VRTN: variants seen among roughly 807,000 people sequenced by gnomAD.
VRTN encodes vertebrae development associated, also known as vertnin.
Under a neutral mutation model 18.2 loss-of-function variants are expected in VRTN, and 5 were observed. That is an observed-to-expected ratio of 0.27 (90% CI 0.14 to 0.58). The LOEUF (loss-of-function observed/expected upper bound fraction) is 0.58, where lower values mean the gene tolerates loss of function less well. Ranked by LOEUF, VRTN falls within the 20% of genes least tolerant of loss-of-function variation. VRTN has a pLI of 0.91. For missense variants in VRTN, 741 were observed against 939.4 expected (o/e 0.79, Z 2.76); for synonymous variants, 381 against 393.7 (o/e 0.97, Z 0.38).
chr14:74,336,490 T>C (rs182609890), intron 1 of VRTN, among the ~76,000 whole-genome samples: 2 of 152,270 alleles, frequency 1.3e-5, no homozygotes, highest in East Asian at 3.9e-4. Flanking sequence ...CAGACACTTC[T>C]TTCTACTCCC....
At chr14:74,351,667 A>G (rs1048740530) in intron 1 of VRTN, among the ~76,000 whole-genome samples, 8 of 147,780 alleles carry the variant, frequency 5.4e-5, no homozygotes, top group Admixed American at 3.4e-4. Context: ...TTCCGTAGAG[A>G]TGGGGTTATG....
intron 1 of VRTN, among the ~76,000 whole-genome samples, chr14:74,320,561 CTCTTTTTTTTTTTTTTTTTTTTT>C (rs2085448972): frequency 1.1e-5 from 1 of 91,522 alleles, no homozygotes; most frequent in African/African-American, 4.5e-5. Context: ...TGCGCCCGGC[CTCTTTTTTTTTTTTTTTTTTTTT>C]TTTTTTTTTT....
At chr14:74,342,930 A>C (rs2085617795) in intron 2 of VRTN, among the ~76,000 whole-genome samples, 1 of 152,106 alleles carries the variant, frequency 6.6e-6, no homozygotes, top group South Asian at 2.1e-4. Flanking sequence ...AGGCTCTTAC[A>C]TATATGAAAA....
intron 1 of VRTN, among the ~76,000 whole-genome samples, chr14:74,331,726 T>TTA (rs2085527010): frequency 7.4e-6 from 1 of 135,106 alleles, no homozygotes; most frequent in South Asian, 2.3e-4. Flanking sequence ...TGTGCACACT[T>TTA]TACGTTGTGT....
intron 1 of VRTN, among the ~76,000 whole-genome samples, chr14:74,308,618 G>A (rs1026692061): frequency 3.3e-5 from 5 of 151,954 alleles, no homozygotes; most frequent in Non-Finnish European, 4.4e-5. Flanking sequence ...GGGTTCAAGC[G>A]ATTTTCCTGC....
chr14:74,357,567 G>A lies in VRTN; in HGVS notation c.784G>A (p.Ala262Thr). Reference protein sequence around the residue: ...PGVAPALPALAPLSSPAKTLE... With the variant: ...PGVAPALPALTPLSSPAKTLE... ...CGTGGCCCCAGCTCTTCCAGCCCTG[G>A]CCCCACTCTCATCGCCGGCCAAGAC... Residue 262 changes from alanine (A) to threonine (T), a missense_variant, in exon 2 of 2, where the codon GCC becomes ACC. By Grantham distance (58) the Ala-to-Thr change is moderately conservative. Transcript: ENST00000256362. This position sits in a 1 kb window ranked among gnomAD's most constrained non-coding sequence, Gnocchi z 7.8. 6.2e-7 allele frequency: 1 copy of A among 1,613,876 alleles called. No individual in the cohort carries two copies. The highest frequency in any genetic ancestry group is 8.5e-7 in the Non-Finnish European group (1 of 1,180,004).
chr14:74,355,873 C>T (rs1218447229), intron 1 of VRTN, among the ~76,000 whole-genome samples: 1 of 151,704 alleles, frequency 6.6e-6, no homozygotes, highest in Admixed American at 6.6e-5. Context: ...TTCCTGTCAC[C>T]CTGGCTGGAG....
chr14:74,331,219 T>TAAACAAAC lies in VRTN; in HGVS notation c.-163-6495_-163-6488dup, dbSNP rs36042325. ...TCCGTCTCAAAAATAAATAAATAAA[T>TAAACAAAC]AAACAAACAAACAAACCACAAGTCT... On this transcript the variant is annotated intron_variant, in intron 1 of 2. Transcript: ENST00000557177. 2.2e-3 allele frequency among the ~76,000 whole-genome samples: 323 copies of TAAACAAAC among 144,168 alleles called. 2 individuals carry two copies. Among genetic ancestry groups the TAAACAAAC allele is most frequent in the African/African-American group, 7.4e-3 (292 of 39,504 alleles). 94.6% of individuals were successfully genotyped at this position (144,168 alleles called of 152,430 possible).
intron 1 of VRTN, among the ~76,000 whole-genome samples, chr14:74,350,431 A>T (rs1256157895): frequency 2.0e-5 from 3 of 152,092 alleles, no homozygotes; most frequent in Admixed American, 1.3e-4. Flanking sequence ...TGCAAGAGGA[A>T]GTGTGGCATA....
intron 1 of VRTN, among the ~76,000 whole-genome samples, chr14:74,313,416 T>C (rs1184213119): frequency 6.6e-6 from 1 of 151,886 alleles, no homozygotes; most frequent in East Asian, 1.9e-4. Flanking sequence ...TTAAAAAAAA[T>C]GAAAGTTTGT....
Position 74,307,117 on chromosome 14 carries a change from C to G in VRTN, c.-164+3941C>G, listed in dbSNP as rs186973076. On this transcript the variant is annotated intron_variant, in intron 1 of 2. Coordinates refer to the VRTN transcript ENST00000557177. ...TTAGTATACAATAAATCAAGTAATA[C>G]ATTCTTAACTGTTGTGGCCCTTTTT... 6.4e-3 allele frequency among the ~76,000 whole-genome samples: 909 copies of G among 142,770 alleles called. 9 individuals are homozygous for G. The highest frequency in any genetic ancestry group is 0.019 in the African/African-American group (760 of 39,140). The allele number at this position is 142,770 out of a possible 152,430, so 93.7% of individuals were successfully genotyped here.
At chr14:74,350,756 G>C (rs1047969945) in intron 1 of VRTN, among the ~76,000 whole-genome samples, 1 of 152,170 alleles carries the variant, frequency 6.6e-6, no homozygotes, top group African/African-American at 2.4e-5. Flanking sequence ...TGTAGATAGC[G>C]TAGGTGTGAT....
At position 74,358,265 on chromosome 14, in the gene VRTN, C is replaced by T. The variant is rs761783593; in HGVS notation, c.1482C>T (p.Pro494=). 15 of 1,610,504 alleles carry T rather than the reference C, an allele frequency of 9.3e-6. No homozygotes were observed. The highest frequency in any genetic ancestry group is 4.5e-5 in the East Asian group (2 of 44,786). The part of the protein sequence containing the change: ...GNATGEDPPA[P]GELLPLRMPL... ...CCACAGGTGAGGACCCTCCCGCCCC[C>T]GGGGAGCTCCTGCCACTAAGGATGC... Residue 494 remains proline (P), a synonymous_variant, in exon 2 of 2, where the codon CCC becomes CCT. Transcript: ENST00000256362. This position sits in a 1 kb window ranked among gnomAD's most constrained non-coding sequence, Gnocchi z 5.4.
rs756923736 is a variant in VRTN, at chr14:74,358,664, A to G, written c.1881A>G (p.Gln627=). Residue 627 remains glutamine, a synonymous_variant, in exon 2 of 2, where the codon CAA becomes CAG. Coordinates refer to ENST00000256362, the MANE Select transcript of VRTN (RefSeq NM_018228.3). The surrounding 1 kb of genome is among the most constrained non-coding windows in gnomAD (Gnocchi z 5.4). ...GQPHSGPLLS[Q]PVVAAAGGRD... ...CCCACAGTGGGCCCTTGCTGAGCCA[A>G]CCTGTGGTGGCAGCAGCGGGTGGCA... The G allele has an allele frequency of 3.1e-6, 5 of 1,612,548 alleles. No individual in the cohort carries two copies. Among genetic ancestry groups the G allele is most frequent in the Non-Finnish European group, 4.2e-6 (5 of 1,179,252 alleles).
chr14:74,356,741 A>C, intron 1 of VRTN, 42 bp from the exon 2 acceptor site: 1 of 1,532,322 alleles, frequency 6.5e-7, no homozygotes, highest in East Asian at 2.3e-5. Flanking sequence ...TCATCTGGGC[A>C]CTTCGACCTG....
chr14:74,359,121 T>C lies in VRTN; in HGVS notation c.*229T>C. On this transcript the variant is annotated 3_prime_UTR_variant, in exon 2 of 2. Transcript: ENST00000256362. ...GTGGGACCAGAGATATCCTCTTTCG[T>C]TGTTTGCTGGTCATATTTTTACTGT... The C allele has an allele frequency of 1.2e-6, 1 of 801,836 alleles. No homozygotes were observed. Among genetic ancestry groups the C allele is most frequent in the Non-Finnish European group, 1.8e-6 (1 of 570,036 alleles). The allele number at this position is 801,836 out of a possible 1,614,324, so 49.7% of individuals were successfully genotyped here. A position where few individuals can be genotyped will look rare whatever the true frequency, so the allele number is the denominator to read the frequency against.
chr14:74,304,415 C>T (rs1595156544), intron 1 of VRTN, among the ~76,000 whole-genome samples: 1 of 152,170 alleles, frequency 6.6e-6, no homozygotes, highest in African/African-American at 2.4e-5. Flanking sequence ...CTTGGCCTCT[C>T]AAAATGCTGG....
chr14:74,320,472 C>T (rs144849902), intron 1 of VRTN, among the ~76,000 whole-genome samples: 2,896 of 148,118 alleles, frequency 0.02, 82 homozygotes, highest in Admixed American at 0.088. Flanking sequence ...CCATGTTAGC[C>T]AGGATGGTCT....
At chr14:74,335,631 C>A (rs2085558655) in intron 1 of VRTN, among the ~76,000 whole-genome samples, 1 of 152,086 alleles carries the variant, frequency 6.6e-6, no homozygotes, top group African/African-American at 2.4e-5. Flanking sequence ...GATTTAAACC[C>A]ATGTTTATTC....
Sources: gnomAD v4.1 joint callset for allele counts (sites outside exome capture counted in the v4.1 genomes callset) on GRCh38, gnomAD v4.1.1 for gene constraint, Gnocchi (gnomAD v3.1) non-coding constraint, MANE v1.5 for transcripts, NCBI Gene and HGNC (gene_info 2026-07-23, HGNC 2026-07-21) for gene names.